CDK5RAP1: variants seen among roughly 807,000 people sequenced by gnomAD.
CDK5RAP1 encodes CDK5RAP1 mitochondrial tRNA methylthiotransferase.
CDK5RAP1 carries 62 observed loss-of-function variants against 64.5 expected under a neutral mutation model. The ratio of observed to expected loss-of-function variants is 0.96; its 90% CI spans 0.78 to 1.19. CDK5RAP1 has a LOEUF of 1.19. Ranked by LOEUF, CDK5RAP1 falls within the 50% of genes most tolerant of loss-of-function variation. The pLI is 0.00. For synonymous variants in CDK5RAP1, 250 were observed against 261.9 expected, an observed-to-expected ratio of 0.95 and a Z score of 0.44; for missense variants, 657 against 735.0, an observed-to-expected ratio of 0.89 and a Z score of 1.23.
chr20:33,374,168 G>A lies in CDK5RAP1; in HGVS notation c.1152C>T (p.Ile384=). The A allele has an allele frequency of 6.2e-7, 1 of 1,613,962 alleles. No homozygotes were observed. Among genetic ancestry groups the A allele is most frequent in the South Asian group, 1.1e-5 (1 of 91,072 alleles). Reference sequence around the variant, plus strand: ...TGCTTCCACTCTGGGCTGGCAGGTGGATCTGTTTACAGATGTTATCTCTCT... The same window carrying A: ...TGCTTCCACTCTGGGCTGGCAGGTGAATCTGTTTACAGATGTTATCTCTCT... The part of the protein sequence containing the change: ...IHERDNICKQ[I]HLPAQSGSSR... The change falls in exon 9 of 14, where the codon ATC becomes ATT. Residue 384 remains isoleucine, a synonymous_variant. Transcript: ENST00000346416.
chr20:33,394,040 G>T lies in CDK5RAP1; in HGVS notation c.435C>A (p.Cys145Ter). 6.3e-7 allele frequency: 1 copy of T among 1,596,648 alleles called. No individual in the cohort carries two copies. The highest frequency in any genetic ancestry group is 8.6e-7 in the Non-Finnish European group (1 of 1,164,020). ...AAAGAACAAATTCGCACCTGATAGA[G>T]CATGTGACAAGGAGAATCACATCTG... Reference protein sequence around the residue: ...QEADVILLVTCSIREKAEQTI... With the variant: ...QEADVILLVT Residue 145 changes from cysteine to a stop codon, truncating the protein, a stop_gained, in exon 4 of 14, where the codon TGC becomes TGA. Transcript: ENST00000346416. LOFTEE classifies it high-confidence loss of function.
At position 33,387,579 on chromosome 20, in the gene CDK5RAP1, T is replaced by C. The variant is rs201093999; in HGVS notation, c.545-46A>G. On this transcript the variant is annotated intron_variant, in intron 5 of 13. Transcript: ENST00000346416. ...AGCACCTTTCCCCAAATCCACCTGGTGTTTAATGGCTTCTTCTTATTCCAC... is the reference window on the plus strand; with the variant it reads ...AGCACCTTTCCCCAAATCCACCTGGCGTTTAATGGCTTCTTCTTATTCCAC... 3.4e-6 allele frequency: 5 copies of C among 1,462,274 alleles called. No individual in the cohort carries two copies. In the Admixed American group the frequency reaches 6.7e-5, roughly 20 times the overall value. 90.6% of individuals were successfully genotyped at this position (1,462,274 alleles called of 1,614,324 possible).
intron 4 of CDK5RAP1, among the ~76,000 whole-genome samples, chr20:33,393,570 C>G (rs1348045357): frequency 7.9e-5 from 12 of 152,072 alleles, no homozygotes; most frequent in Non-Finnish European, 1.2e-4. Context: ...AACATTAACA[C>G]TAGCATGTCT....
At chr20:33,395,146 G>A (rs769468978) in intron 2 of CDK5RAP1, 30 bp from the exon 3 acceptor site, 1 of 1,310,718 alleles carries the variant, frequency 7.6e-7, no homozygotes, top group South Asian at 1.2e-5. Flanking sequence ...GGAATCCATG[G>A]TAGACAGACA....
chr20:33,377,357 T>A (rs1297514591), intron 8 of CDK5RAP1, among the ~76,000 whole-genome samples: 3 of 152,224 alleles, frequency 2.0e-5, no homozygotes, highest in Admixed American at 2.0e-4. Flanking sequence ...TAGCTAGATC[T>A]TCTGGATAAC....
rs1409253026 is a variant in CDK5RAP1, at chr20:33,401,464, G to C, written c.-57C>G. On this transcript the variant is annotated 5_prime_UTR_variant, in exon 1 of 14. Transcript: ENST00000346416. ...GCAACAGTGCCCGGGGTCCCGCAGC[G>C]TAAGTTCTGCCGGCAAGTCGGATCC... 1.0e-6 allele frequency: 1 copy of C among 985,484 alleles called. No homozygotes were observed. The highest frequency in any genetic ancestry group is 1.2e-6 in the Non-Finnish European group (1 of 829,948). The allele number at this position is 985,484 out of a possible 1,614,324, so 61.0% of individuals were successfully genotyped here. A position where few individuals can be genotyped will look rare whatever the true frequency, so the allele number is the denominator to read the frequency against.
Position 33,365,423 on chromosome 20 carries a change from C to A in CDK5RAP1, c.1542+1436G>T, listed in dbSNP as rs921645862. ...AGTAGCTGGGACTACAGGTGTGCAC[C>A]ACCATACCCAACTAATTTTTGTATT... On this transcript the variant is annotated intron_variant, in intron 12 of 13. Coordinates refer to ENST00000346416, the MANE Select transcript of CDK5RAP1 (RefSeq NM_016408.4). 2.0e-5 allele frequency among the ~76,000 whole-genome samples: 3 copies of A among 151,726 alleles called. No individual in the cohort carries two copies. In the South Asian group the frequency reaches 6.3e-4, roughly 32 times the overall value.
intron 7 of CDK5RAP1, among the ~76,000 whole-genome samples, chr20:33,382,080 C>G (rs1049517897): frequency 6.6e-5 from 10 of 152,136 alleles, no homozygotes; most frequent in Non-Finnish European, 1.5e-5. Context: ...ACGCTCAAGG[C>G]ACCCTCCTGC....
At chr20:33,390,414 T>C (rs1198056676) in intron 5 of CDK5RAP1, among the ~76,000 whole-genome samples, 2 of 151,370 alleles carry the variant, frequency 1.3e-5, no homozygotes, top group East Asian at 1.9e-4. Flanking sequence ...GTATCTAGAG[T>C]AGTCAGATTC....
At position 33,401,487 on chromosome 20, in the gene CDK5RAP1, T is replaced by A; in HGVS notation, c.-80A>T. ...GCGTAAGTTCTGCCGGCAAGTCGGA[T>A]CCCCTCACAGGTCCGCCGCTGCGTT... On this transcript the variant is annotated 5_prime_UTR_variant, in exon 1 of 14. Transcript: ENST00000346416. The A allele has an allele frequency of 1.0e-6, 1 of 985,282 alleles. No individual in the cohort carries two copies. The highest frequency in any genetic ancestry group is 1.2e-6 in the Non-Finnish European group (1 of 829,928). 61.0% of individuals were successfully genotyped at this position (985,282 alleles called of 1,614,324 possible).
chr20:33,401,316 G>T (rs1989394090), intron 1 of CDK5RAP1, 112 bp downstream of exon 1: 1 of 809,120 alleles, frequency 1.2e-6, no homozygotes, highest in Non-Finnish European at 1.5e-6. Context: ...CATAACCACC[G>T]TGCCATCCTC....
At chr20:33,385,608 C>T (rs754862440) in intron 7 of CDK5RAP1, 42 bp downstream of exon 7, 13 of 1,609,794 alleles carry the variant, frequency 8.1e-6, no homozygotes, top group African/African-American at 1.3e-5. Flanking sequence ...CTCATCCTCC[C>T]CCAAACATGT....
chr20:33,367,034 AG>A, intron 11 of CDK5RAP1, 26 bp from the exon 12 acceptor site: 1 of 1,594,206 alleles, frequency 6.3e-7, no homozygotes, highest in Non-Finnish European at 8.5e-7. Flanking sequence ...AAAAGAGAGA[AG>A]ATGGAGGTCA....
Position 33,370,481 on chromosome 20 carries a change from C to T in CDK5RAP1, c.1392+18G>A. On this transcript the variant is annotated intron_variant, in intron 11 of 13. Coordinates refer to ENST00000346416, the MANE Select transcript of CDK5RAP1 (RefSeq NM_016408.4). ...CTGGTCAGGAATGATGTCAGTCCTCCCCAACCCCAGGGCTCACCTGTCTCA... is the reference window on the plus strand; with the variant it reads ...CTGGTCAGGAATGATGTCAGTCCTCTCCAACCCCAGGGCTCACCTGTCTCA... The T allele has an allele frequency of 6.2e-7, 1 of 1,613,662 alleles. No homozygotes were observed. The highest frequency in any genetic ancestry group is 1.1e-5 in the South Asian group (1 of 91,018).
intron 4 of CDK5RAP1, 39 bp from the exon 5 acceptor site, chr20:33,392,281 A>G: frequency 7.8e-7 from 1 of 1,289,942 alleles, no homozygotes; most frequent in East Asian, 2.3e-5. Context: ...ACCAAAAATA[A>G]ACCACAGAGG....
In CDK5RAP1 at chr20:33,360,509, A is replaced by G; in HGVS notation, c.1543-18T>C. On this transcript the variant is annotated intron_variant, in intron 12 of 13. Transcript: ENST00000346416. ...TTACTGAGCTGCAGAAAGAAGAGAG[A>G]AGAGTTCGTGGATTTGTCACAGTTG... is the stretch of plus-strand genomic sequence containing the variant. 1 of 1,599,810 alleles carries G rather than the reference A, an allele frequency of 6.3e-7. No homozygotes were observed. Among genetic ancestry groups the G allele is most frequent in the South Asian group, 1.1e-5 (1 of 88,708 alleles).
chr20:33,398,648 C>A (rs1199986170), intron 1 of CDK5RAP1, among the ~76,000 whole-genome samples: 2 of 150,766 alleles, frequency 1.3e-5, no homozygotes, highest in African/African-American at 2.4e-5. Context: ...GGCTGGTGGC[C>A]GGGTGCAGTG....
At chr20:33,375,299 G>A (rs1985801328) in intron 8 of CDK5RAP1, among the ~76,000 whole-genome samples, 1 of 151,480 alleles carries the variant, frequency 6.6e-6, no homozygotes, top group Non-Finnish European at 1.5e-5. Context: ...CTACTCAGGA[G>A]GTTGAGGCAG....
chr20:33,390,650 T>A (rs182194543), intron 5 of CDK5RAP1, among the ~76,000 whole-genome samples: 60 of 152,278 alleles, frequency 3.9e-4, no homozygotes, highest in Non-Finnish European at 8.2e-4. Context: ...TTTTTTAAAT[T>A]ATTCTTGGGA....
Sources: allele counts gnomAD v4.1 joint callset (sites outside exome capture counted in the v4.1 genomes callset), GRCh38; gene constraint gnomAD v4.1.1; transcripts MANE v1.5; gene names NCBI Gene and HGNC (gene_info 2026-07-23, HGNC 2026-07-21).